Variants in FLVCR2 observed in about 807,000 individuals in gnomAD.
FLVCR2 encodes FLVCR choline and putative heme transporter 2, also known as choline/ethanolamine transporter FLVCR2.
In FLVCR2, 38 loss-of-function variants were observed where a neutral mutation model predicts 48.9. The observed-to-expected ratio is 0.78, with a 90% CI of 0.60 to 1.02. The LOEUF is 1.02. Ranked by LOEUF, FLVCR2 falls within the 50% of genes least tolerant of loss-of-function variation. FLVCR2 has a pLI of 0.00. For missense variants in FLVCR2, 664 were observed against 663.3 expected, an observed-to-expected ratio of 1.00 and a Z score of -0.01; for synonymous variants, 255 against 257.0, an observed-to-expected ratio of 0.99 and a Z score of 0.07.
intron 1 of FLVCR2, among the ~76,000 whole-genome samples, chr14:75,610,427 T>A (rs761730661): frequency 1.3e-5 from 2 of 149,186 alleles, no homozygotes; most frequent in Non-Finnish European, 2.9e-5. Context: ...GCTAAAAAAA[T>A]AAAACACGGC....
chr14:75,587,102 G>A (rs931833557), intron 1 of FLVCR2, among the ~76,000 whole-genome samples: 2 of 152,100 alleles, frequency 1.3e-5, no homozygotes, highest in Admixed American at 1.3e-4. Context: ...ATTATGCAAG[G>A]TACTTTTTCA....
At chr14:75,641,606 C>A (rs1019516300) in intron 8 of FLVCR2, among the ~76,000 whole-genome samples, 4 of 152,148 alleles carry the variant, frequency 2.6e-5, no homozygotes, top group Admixed American at 2.6e-4. Context: ...GCAATGTGTG[C>A]AAAGTCCCTG....
At position 75,646,438 on chromosome 14, in the gene FLVCR2, A is replaced by C. The variant is rs1206551738; in HGVS notation, c.1547A>C (p.Lys516Thr). The C allele has an allele frequency of 6.2e-7, 1 of 1,614,024 alleles. No individual in the cohort carries two copies. Residue 516 changes from lysine to threonine, a missense_variant, in exon 10 of 10, where the codon AAA becomes ACA. Coordinates refer to ENST00000238667, the MANE Select transcript of FLVCR2 (RefSeq NM_017791.3). ...QEEEEESNTSKVPTAVSEDHL is the reference protein window; with the variant it reads ...QEEEEESNTSTVPTAVSEDHL ...GAGGAGGAGGAGAGCAACACCAGCA[A>C]AGTGCCCACTGCTGTGTCAGAGGAT... is the stretch of plus-strand genomic sequence containing the variant.
chr14:75,629,914 A>G (rs983694942), intron 3 of FLVCR2, among the ~76,000 whole-genome samples: 3 of 152,098 alleles, frequency 2.0e-5, no homozygotes, highest in Non-Finnish European at 2.9e-5. Context: ...GCACTTTATC[A>G]TTGCTCCACC....
chr14:75,619,291 A>G (rs1889701035), intron 1 of FLVCR2, among the ~76,000 whole-genome samples: 1 of 152,150 alleles, frequency 6.6e-6, no homozygotes, highest in Non-Finnish European at 1.5e-5. Flanking sequence ...GATAAAGTGT[A>G]TTACATATTC....
chr14:75,622,074 T>G lies in FLVCR2; in HGVS notation c.670-5T>G. ...CTGTGATTGGGTTGTCTCTGTCTTC[T>G]ATAGCTTGGAATTGCGATTGGGTTC... is the stretch of plus-strand genomic sequence containing the variant. On this transcript the variant is annotated splice_region_variant and splice_polypyrimidine_tract_variant and intron_variant, in intron 1 of 9. Coordinates refer to ENST00000238667, the MANE Select transcript of FLVCR2 (RefSeq NM_017791.3). 1.2e-6 allele frequency: 2 copies of G among 1,614,232 alleles called. No individual in the cohort carries two copies. Among genetic ancestry groups the G allele is most frequent in the Non-Finnish European group, 1.7e-6 (2 of 1,180,028 alleles).
chr14:75,628,955 G>T (rs1889971521), intron 3 of FLVCR2, among the ~76,000 whole-genome samples: 1 of 152,190 alleles, frequency 6.6e-6, no homozygotes, highest in Non-Finnish European at 1.5e-5. Context: ...TTCCAGCGTT[G>T]CTTCTTTGGT....
At chr14:75,641,943 CT>C in intron 9 of FLVCR2, 45 bp downstream of exon 9, 1 of 1,559,478 alleles carries the variant, frequency 6.4e-7, no homozygotes, top group Non-Finnish European at 8.8e-7. Flanking sequence ...GGGTCCAAGG[CT>C]TTTGATGAGG....
Position 75,635,140 on chromosome 14 carries a change from C to T in FLVCR2, c.1124+127C>T, listed in dbSNP as rs1890135534. On this transcript the variant is annotated intron_variant, in intron 5 of 9. Transcript: ENST00000238667. ...GGCCAAGCAGGTCATTCAAGTTTGACTTCTCTGAGCCTCACTTTCCTCATT... is the reference window on the plus strand; with the variant it reads ...GGCCAAGCAGGTCATTCAAGTTTGATTTCTCTGAGCCTCACTTTCCTCATT... The T allele has an allele frequency of 4.2e-6, 3 of 714,298 alleles. No homozygotes were observed. The East Asian group carries it at 8.1e-5, about 19-fold the overall frequency. The allele number at this position is 714,298 out of a possible 1,614,324, so 44.2% of individuals were successfully genotyped here. A position where few individuals can be genotyped will look rare whatever the true frequency, so the allele number is the denominator to read the frequency against.
At chr14:75,589,408 G>A (rs1888830651) in intron 1 of FLVCR2, among the ~76,000 whole-genome samples, 1 of 152,142 alleles carries the variant, frequency 6.6e-6, no homozygotes. Context: ...AATCTTCTTT[G>A]ACTTTATGTC....
intron 1 of FLVCR2, among the ~76,000 whole-genome samples, chr14:75,588,310 A>G (rs1042127422): frequency 5.2e-4 from 79 of 152,180 alleles, no homozygotes; most frequent in African/African-American, 1.8e-3. Flanking sequence ...CATGTTCAAG[A>G]AAGAGTACAA....
chr14:75,641,375 G>A, intron 8 of FLVCR2, 82 bp downstream of exon 8: 2 of 859,902 alleles, frequency 2.3e-6, no homozygotes, highest in Non-Finnish European at 4.0e-6. Flanking sequence ...CAGATAGGGA[G>A]TACGTACGTA....
chr14:75,617,420 T>C (rs1889645470), intron 1 of FLVCR2, among the ~76,000 whole-genome samples: 1 of 152,178 alleles, frequency 6.6e-6, no homozygotes, highest in Non-Finnish European at 1.5e-5. Flanking sequence ...AAAATGAAAA[T>C]TAAATATCCC....
At chr14:75,645,026 C>T (rs75566015) in intron 9 of FLVCR2, among the ~76,000 whole-genome samples, 7,970 of 130,548 alleles carry the variant, frequency 0.061, 328 homozygotes, top group Admixed American at 0.14. Context: ...TTGGAGGAGG[C>T]GGGCGTGGTG....
chr14:75,642,739 G>A (rs574102811), intron 9 of FLVCR2, among the ~76,000 whole-genome samples: 10 of 152,300 alleles, frequency 6.6e-5, no homozygotes, highest in African/African-American at 2.4e-4. Flanking sequence ...CTGCATGTCT[G>A]TATCCACTTA....
chr14:75,593,189 G>A (rs781319460), intron 1 of FLVCR2, among the ~76,000 whole-genome samples: 23 of 152,092 alleles, frequency 1.5e-4, no homozygotes, highest in African/African-American at 2.2e-4. Flanking sequence ...ACTTCTGCCC[G>A]TTACCCAGTT....
At chr14:75,613,337 G>C (rs1382759384) in intron 1 of FLVCR2, among the ~76,000 whole-genome samples, 1 of 152,032 alleles carries the variant, frequency 6.6e-6, no homozygotes, top group Non-Finnish European at 1.5e-5. Flanking sequence ...GTGTCACATG[G>C]CAAGAGTAGG....
At chr14:75,585,900 C>T (rs1888735145) in intron 1 of FLVCR2, among the ~76,000 whole-genome samples, 1 of 152,134 alleles carries the variant, frequency 6.6e-6, no homozygotes, top group Non-Finnish European at 1.5e-5. Flanking sequence ...GCAAGAGAGG[C>T]TGGAGAAGAG....
chr14:75,609,081 T>C (rs1386550080), intron 1 of FLVCR2, among the ~76,000 whole-genome samples: 1 of 152,154 alleles, frequency 6.6e-6, no homozygotes, highest in Non-Finnish European at 1.5e-5. Flanking sequence ...GTTTTTTTTT[T>C]AGACAATGCA....
Sources: allele counts gnomAD v4.1 joint callset (sites outside exome capture counted in the v4.1 genomes callset), GRCh38; gene constraint gnomAD v4.1.1; transcripts MANE v1.5; gene names NCBI Gene and HGNC (gene_info 2026-07-23, HGNC 2026-07-21).